OPHN1: variants seen among roughly 807,000 people sequenced by gnomAD.
The protein encoded by OPHN1 is oligophrenin-1.
In OPHN1, 11 loss-of-function variants were observed where a neutral mutation model predicts 60.7. The observed-to-expected ratio is 0.18, with a 90% CI of 0.11 to 0.30. The LOEUF is 0.30. OPHN1 is among the 10% of genes least tolerant of loss of function. The probability of loss-of-function intolerance (pLI) is 1.00; values close to 1 mark genes in which losing one functional copy is unlikely to be tolerated. For synonymous variants in OPHN1, 226 were observed against 222.6 expected, an observed-to-expected ratio of 1.02 and a Z score of -0.14; for missense variants, 449 against 611.0, an observed-to-expected ratio of 0.73 and a Z score of 2.80.
intron 2 of OPHN1, among the ~76,000 whole-genome samples, chrX:68,319,560 G>T (rs1014038747): frequency 6.4e-5 from 7 of 109,974 alleles, no homozygotes; most frequent in Non-Finnish European, 1.3e-4. Flanking sequence ...ACACAGTAAG[G>T]CCCCATCTCT....
At chrX:68,331,630 C>T (rs1335685256) in intron 2 of OPHN1, among the ~76,000 whole-genome samples, 2 of 107,013 alleles carry the variant, frequency 1.9e-5, no homozygotes, top group African/African-American at 6.8e-5. Flanking sequence ...ACCTGGGAAG[C>T]TGAAACACAT....
At chrX:68,371,094 C>A (rs2078525775) in intron 2 of OPHN1, among the ~76,000 whole-genome samples, 1 of 111,548 alleles carries the variant, frequency 9.0e-6, no homozygotes, top group African/African-American at 3.3e-5. Context: ...GATTAAAAAG[C>A]AGGATCTAAC....
intron 3 of OPHN1, among the ~76,000 whole-genome samples, chrX:68,296,414 T>C (rs1439242376): frequency 1.8e-5 from 2 of 110,966 alleles, no homozygotes; most frequent in African/African-American, 6.5e-5. Context: ...CTCAACACTT[T>C]GGGAGGCCAA....
At chrX:68,184,585 G>T (rs767128344) in intron 15 of OPHN1, among the ~76,000 whole-genome samples, 16 of 110,629 alleles carry the variant, frequency 1.4e-4, no homozygotes, top group Non-Finnish European at 2.7e-4. Context: ...AGATACAAAT[G>T]TTTTTGTTTT....
At chrX:68,252,170 T>C (rs1394639577) in intron 5 of OPHN1, among the ~76,000 whole-genome samples, 6 of 111,606 alleles carry the variant, frequency 5.4e-5, no homozygotes, top group East Asian at 5.6e-4. Context: ...TAAATGGAAC[T>C]TGTGGCCTGA....
intron 2 of OPHN1, among the ~76,000 whole-genome samples, chrX:68,337,528 G>T (rs751583698): frequency 1.3e-4 from 14 of 110,267 alleles, no homozygotes; most frequent in East Asian, 5.7e-4. Context: ...TTAATTTTTG[G>T]TTTTTTTTCT....
intron 5 of OPHN1, among the ~76,000 whole-genome samples, chrX:68,260,584 C>T (rs942934553): frequency 9.0e-6 from 1 of 111,211 alleles, no homozygotes; most frequent in African/African-American, 3.3e-5. Context: ...TGGGTCTTGA[C>T]TTCCACATCT....
chrX:68,258,998 G>C (rs780588159), intron 5 of OPHN1, among the ~76,000 whole-genome samples: 26 of 111,912 alleles, frequency 2.3e-4, no homozygotes, highest in Non-Finnish European at 4.7e-4. Flanking sequence ...GACCAATTTG[G>C]CAACACATCT....
At chrX:68,350,970 C>A (rs5965557) in intron 2 of OPHN1, among the ~76,000 whole-genome samples, 6,427 of 111,263 alleles carry the variant, frequency 0.058, 451 homozygotes, top group African/African-American at 0.2. Context: ...ACTCTGTTGC[C>A]CAGGCTGGAG....
chrX:68,101,160 C>T (rs1783731408), intron 18 of OPHN1, among the ~76,000 whole-genome samples: 1 of 112,041 alleles, frequency 8.9e-6, no homozygotes, highest in African/African-American at 3.2e-5. Context: ...TGAATTTCAT[C>T]AGTCATCAGT....
intron 6 of OPHN1, among the ~76,000 whole-genome samples, chrX:68,233,503 A>G (rs2077738253): frequency 9.0e-6 from 1 of 111,132 alleles, no homozygotes; most frequent in African/African-American, 3.3e-5. Flanking sequence ...TTCCTTCCCT[A>G]GTGCCTCTCT....
chrX:68,057,083 CAG>C (rs1408577228), intron 21 of OPHN1, among the ~76,000 whole-genome samples: 1 of 111,598 alleles, frequency 9.0e-6, no homozygotes, highest in African/African-American at 3.3e-5. Context: ...GCTGAGGAAA[CAG>C]AGACTCAGAG....
intron 19 of OPHN1, among the ~76,000 whole-genome samples, chrX:68,091,130 G>A (rs991002149): frequency 1.8e-5 from 2 of 111,160 alleles, no homozygotes; most frequent in African/African-American, 6.5e-5. Context: ...CTAAACTTAA[G>A]TCTCAGCTTT....
At chrX:68,127,284 A>C (rs2077175722) in intron 15 of OPHN1, among the ~76,000 whole-genome samples, 1 of 112,282 alleles carries the variant, frequency 8.9e-6, no homozygotes, top group Non-Finnish European at 1.9e-5. Flanking sequence ...TGGCTGATAT[A>C]AGGTGACAAT....
At chrX:68,334,716 C>G (rs1258235605) in intron 2 of OPHN1, among the ~76,000 whole-genome samples, 1 of 110,897 alleles carries the variant, frequency 9.0e-6, no homozygotes, top group Non-Finnish European at 1.9e-5. Flanking sequence ...TGCCTCAGAC[C>G]TGTAATCCCA....
At chrX:68,295,094 T>C (rs1334260892) in intron 3 of OPHN1, among the ~76,000 whole-genome samples, 1 of 111,658 alleles carries the variant, frequency 9.0e-6, no homozygotes, top group Non-Finnish European at 1.9e-5. Flanking sequence ...GGCTCCGCTA[T>C]AGAAATTCTG....
chrX:68,191,999 G>A (rs1234423160), intron 15 of OPHN1, among the ~76,000 whole-genome samples: 2 of 110,446 alleles, frequency 1.8e-5, no homozygotes, highest in African/African-American at 6.6e-5. Flanking sequence ...ACAACATCCA[G>A]CAACCAATAA....
chrX:68,225,540 G>A lies in OPHN1; in HGVS notation c.486+8947C>T, dbSNP rs758605421. 4.5e-5 allele frequency among the ~76,000 whole-genome samples: 5 copies of A among 111,734 alleles called. No homozygotes were observed. In the East Asian group the frequency reaches 1.1e-3, roughly 25 times the overall value. On this transcript the variant is annotated intron_variant, in intron 6 of 24. Transcript: ENST00000355520. ...AGATGAAGCTTCCAGAGGACGGATCGGGCAGCAACATTTGCCATTCTGCAA... is the reference window on the plus strand; with the variant it reads ...AGATGAAGCTTCCAGAGGACGGATCAGGCAGCAACATTTGCCATTCTGCAA...
intron 2 of OPHN1, among the ~76,000 whole-genome samples, chrX:68,414,835 G>A (rs1237845375): frequency 8.9e-6 from 1 of 111,940 alleles, no homozygotes; most frequent in Non-Finnish European, 1.9e-5. Flanking sequence ...CCTAGACAGA[G>A]AATATGCTGA....
Sources: gnomAD v4.1 joint callset for allele counts (sites outside exome capture counted in the v4.1 genomes callset) on GRCh38, gnomAD v4.1.1 for gene constraint, MANE v1.5 for transcripts, NCBI Gene and HGNC (gene_info 2026-07-23, HGNC 2026-07-21) for gene names.